VAX2: variants seen among roughly 807,000 people sequenced by gnomAD.
VAX2 encodes the protein ventral anterior homeobox 2.
In VAX2, 8 loss-of-function variants were observed where a neutral mutation model predicts 12.5. The observed-to-expected ratio is 0.64, with a 90% confidence interval of 0.37 to 1.15. The LOEUF is 1.15. VAX2 is among the 50% of genes most tolerant of loss of function. The pLI is 0.01. For missense variants in VAX2, 476 were observed against 412.9 expected, an observed-to-expected ratio of 1.15 and a Z score of -1.32; for synonymous variants, 183 against 187.6, an observed-to-expected ratio of 0.98 and a Z score of 0.20.
Position 70,900,790 on chromosome 2 carries a change from T to C in VAX2, c.169T>C (p.Ser57Pro), listed in dbSNP as rs2104751765. The change falls in exon 1 of 3, where the codon TCC (serine) becomes CCC (proline). Residue 57 changes from serine to proline, a missense_variant. Ser to Pro is a moderately conservative substitution (Grantham distance 74). Coordinates refer to ENST00000234392, the MANE Select transcript of VAX2 (RefSeq NM_012476.3). ...AGTSASSPAG[S>P]RESGADSDGQ... The stretch of plus-strand genomic sequence containing the variant: ...GACCTCAGCCTCCAGTCCCGCAGGC[T>C]CCAGGGAGAGTGGAGCCGACAGCGA... 6.7e-7 allele frequency: 1 copy of C among 1,496,408 alleles called. No homozygotes were observed. The highest frequency in any genetic ancestry group is 8.9e-7 in the Non-Finnish European group (1 of 1,123,094). The allele number at this position is 1,496,408 out of a possible 1,614,324, so 92.7% of individuals were successfully genotyped here. A position where few individuals can be genotyped will look rare whatever the true frequency, so the allele number is the denominator to read the frequency against.
Position 70,900,598 on chromosome 2 carries a change from G to C in VAX2, c.-24G>C. 2 of 1,250,686 alleles carry C rather than the reference G, an allele frequency of 1.6e-6. No homozygotes were observed. Among genetic ancestry groups the C allele is most frequent in the Non-Finnish European group, 2.0e-6 (2 of 997,834 alleles). The allele number at this position is 1,250,686 out of a possible 1,614,324, so 77.5% of individuals were successfully genotyped here. A position where few individuals can be genotyped will look rare whatever the true frequency, so the allele number is the denominator to read the frequency against. ...GCCAGCGTAGGCTGGCTCCGCCGTAGAGGGGTTGGCAGTGGCGGTCAGCAT... is the reference window on the plus strand; with the variant it reads ...GCCAGCGTAGGCTGGCTCCGCCGTACAGGGGTTGGCAGTGGCGGTCAGCAT... On this transcript the variant is annotated 5_prime_UTR_variant, in exon 1 of 3. Coordinates refer to ENST00000234392, the MANE Select transcript of VAX2 (RefSeq NM_012476.3).
chr2:70,928,467 C>G (rs183083492), intron 2 of VAX2, among the ~76,000 whole-genome samples: 16 of 152,306 alleles, frequency 1.1e-4, no homozygotes, highest in Admixed American at 8.5e-4. Context: ...ACAAGCACCC[C>G]TGGTCCCAGC....
Position 70,933,300 on chromosome 2 carries a change from C to A in VAX2, c.*96C>A. The A allele has an allele frequency of 8.1e-7, 1 of 1,230,064 alleles. No individual in the cohort carries two copies. Among genetic ancestry groups the A allele is most frequent in the Non-Finnish European group, 1.1e-6 (1 of 943,098 alleles). 76.2% of individuals were successfully genotyped at this position (1,230,064 alleles called of 1,614,324 possible). A position where few individuals can be genotyped will look rare whatever the true frequency, so the allele number is the denominator to read the frequency against. On this transcript the variant is annotated 3_prime_UTR_variant, in exon 3 of 3. Transcript: ENST00000234392. Reference sequence around the variant, plus strand: ...CTGAGCAGGCCCCGGAGAGGAGGGGCTGCAGCCACACACTCTTCCCCACCT... The same window carrying A: ...CTGAGCAGGCCCCGGAGAGGAGGGGATGCAGCCACACACTCTTCCCCACCT...
chr2:70,926,306 C>T (rs77276916), intron 2 of VAX2, among the ~76,000 whole-genome samples: 15,718 of 152,054 alleles, frequency 0.1, 964 homozygotes, highest in East Asian at 0.23. Context: ...AGCATGGCTG[C>T]CCTGGAGAGC....
At chr2:70,908,672 G>A (rs1365980814) in intron 1 of VAX2, among the ~76,000 whole-genome samples, 1 of 152,182 alleles carries the variant, frequency 6.6e-6, no homozygotes, top group Non-Finnish European at 1.5e-5. Context: ...TGTCAGAGAA[G>A]TTCCTAAAAG....
chr2:70,931,865 G>C (rs1472498798), intron 2 of VAX2, among the ~76,000 whole-genome samples: 4 of 152,280 alleles, frequency 2.6e-5, no homozygotes, highest in Non-Finnish European at 4.4e-5. Flanking sequence ...CCATGAGCCA[G>C]AGGCTTCCAT....
chr2:70,927,518 G>C (rs782139569), intron 2 of VAX2, among the ~76,000 whole-genome samples: 1 of 150,374 alleles, frequency 6.7e-6, no homozygotes, highest in Non-Finnish European at 1.5e-5. Context: ...AGCCATCCTA[G>C]ATACACAGAT....
intron 1 of VAX2, among the ~76,000 whole-genome samples, chr2:70,913,726 T>C (rs1360633236): frequency 6.6e-6 from 1 of 151,412 alleles, no homozygotes; most frequent in Non-Finnish European, 1.5e-5. Flanking sequence ...TAAATAACTT[T>C]ACATTTATTA....
At chr2:70,910,955 C>A (rs534931473) in intron 1 of VAX2, among the ~76,000 whole-genome samples, 81 of 151,890 alleles carry the variant, frequency 5.3e-4, no homozygotes, top group African/African-American at 1.8e-3. Flanking sequence ...CTTCATCCAG[C>A]ATTTAAAACA....
At chr2:70,919,812 C>T (rs1415997430) in intron 1 of VAX2, among the ~76,000 whole-genome samples, 1 of 152,204 alleles carries the variant, frequency 6.6e-6, no homozygotes, top group Non-Finnish European at 1.5e-5. Flanking sequence ...AGATGCGCCT[C>T]TGCATTACAG....
chr2:70,923,824 C>T (rs999713523), intron 2 of VAX2, among the ~76,000 whole-genome samples: 2 of 152,154 alleles, frequency 1.3e-5, no homozygotes, highest in African/African-American at 2.4e-5. Flanking sequence ...TTCTCCTGGT[C>T]TCCTTGTTCA....
chr2:70,921,364 G>A, intron 2 of VAX2, 79 bp downstream of exon 2: 2 of 1,430,326 alleles, frequency 1.4e-6, no homozygotes, highest in Non-Finnish European at 1.8e-6. Flanking sequence ...CCTGTGAGCT[G>A]CTACAGGGAG....
chr2:70,900,667 G>T lies in VAX2; in HGVS notation c.46G>T (p.Ala16Ser), dbSNP rs1678896354. Reference protein sequence around the residue: ...AERDRGPARRAESGGGGGRCG... With the variant: ...AERDRGPARRSESGGGGGRCG... ...GCGCGACCGGGGCCCCGCGCGCCGGGCGGAGTCTGGTGGCGGCGGTGGGCG... is the reference window on the plus strand; with the variant it reads ...GCGCGACCGGGGCCCCGCGCGCCGGTCGGAGTCTGGTGGCGGCGGTGGGCG... The change falls in exon 1 of 3, where the codon GCG becomes TCG. Residue 16 changes from alanine to serine, a missense_variant. Physicochemically the swap from Ala to Ser is moderately conservative, Grantham distance 99 (BLOSUM62 1). Coordinates refer to ENST00000234392, the MANE Select transcript of VAX2 (RefSeq NM_012476.3). 1 of 1,285,890 alleles carries T rather than the reference G, an allele frequency of 7.8e-7. No homozygotes were observed. The allele number at this position is 1,285,890 out of a possible 1,614,324, so 79.7% of individuals were successfully genotyped here.
At chr2:70,907,641 ACT>A (rs1679090849) in intron 1 of VAX2, among the ~76,000 whole-genome samples, 1 of 152,164 alleles carries the variant, frequency 6.6e-6, no homozygotes, top group South Asian at 2.1e-4. Context: ...GGCAAAGGAC[ACT>A]CTACGAGGCA....
Position 70,921,259 on chromosome 2 carries a change from C to T in VAX2, c.409C>T (p.Arg137Cys), listed in dbSNP as rs137915944. ...GGGCCGCGAGCGCACTGAGCTGGCCCGCCAGCTGAACCTCTCCGAGACCCA... is the reference window on the plus strand; with the variant it reads ...GGGCCGCGAGCGCACTGAGCTGGCCTGCCAGCTGAACCTCTCCGAGACCCA... ...VVGRERTELARQLNLSETQVK... is the reference protein window; with the variant it reads ...VVGRERTELACQLNLSETQVK... The change falls in exon 2 of 3, where the codon CGC becomes TGC. Residue 137 changes from arginine to cysteine, a missense_variant. By Grantham distance (180) the Arg-to-Cys change is radical. Coordinates refer to ENST00000234392, the MANE Select transcript of VAX2 (RefSeq NM_012476.3). The T allele has an allele frequency of 3.0e-4, 480 of 1,610,906 alleles. 1 individual carries two copies. The highest frequency in any genetic ancestry group is 4.2e-4 in the East Asian group (19 of 44,740).
chr2:70,921,042 G>T, intron 1 of VAX2, 56 bp from the exon 2 acceptor site: 2 of 1,466,774 alleles, frequency 1.4e-6, no homozygotes, highest in East Asian at 5.1e-5. Flanking sequence ...GATGCTTTCT[G>T]GTGATCTAAC....
chr2:70,928,177 C>T (rs1447471417), intron 2 of VAX2, among the ~76,000 whole-genome samples: 14 of 152,202 alleles, frequency 9.2e-5, no homozygotes, highest in African/African-American at 2.2e-4. Context: ...TGAACCTACC[C>T]GCTAGGGCCT....
chr2:70,900,859 C>G lies in VAX2; in HGVS notation c.238C>G (p.Leu80Val), dbSNP rs1553409694. Residue 80 changes from leucine to valine, a missense_variant, in exon 1 of 3, where the codon CTG (leucine) becomes GTG (valine). Coordinates refer to ENST00000234392, the MANE Select transcript of VAX2 (RefSeq NM_012476.3). ...CGAGGCAGACCACTGCCGCCGCATA[C>G]TGGTGCGAGGTAAGGGGACAGCCCG... ...PGEADHCRRI[L>V]VRDAKGTIRE... The G allele has an allele frequency of 7.0e-7, 1 of 1,427,486 alleles. No homozygotes were observed. 88.4% of individuals were successfully genotyped at this position (1,427,486 alleles called of 1,614,324 possible).
chr2:70,924,121 A>G (rs531047581), intron 2 of VAX2, among the ~76,000 whole-genome samples: 4 of 152,188 alleles, frequency 2.6e-5, no homozygotes, highest in African/African-American at 9.6e-5. Flanking sequence ...TGTTAGCTTC[A>G]CTGCACTCCA....
Sources: gnomAD v4.1 joint callset for allele counts (sites outside exome capture counted in the v4.1 genomes callset) on GRCh38, gnomAD v4.1.1 for gene constraint, MANE v1.5 for transcripts, NCBI Gene and HGNC (gene_info 2026-07-23, HGNC 2026-07-21) for gene names.